Variants in CMTM8 observed in about 807,000 individuals in gnomAD.
The protein encoded by CMTM8 is CKLF like MARVEL transmembrane domain containing 8.
Under a neutral mutation model 18.6 loss-of-function variants are expected in CMTM8, and 12 were observed. That is an observed-to-expected ratio of 0.65 (90% CI 0.41 to 1.05). The LOEUF (loss-of-function observed/expected upper bound fraction) is 1.05. Ranked by LOEUF, CMTM8 falls within the 50% of genes least tolerant of loss-of-function variation. CMTM8 has a pLI of 0.00. For missense variants in CMTM8, 217 were observed against 227.2 expected (o/e 0.95, Z 0.29); for synonymous variants, 87 against 90.6 (o/e 0.96, Z 0.23).
intron 1 of CMTM8, chr3:32,259,692 T>G: frequency 8.8e-7 from 1 of 1,142,272 alleles, no homozygotes; most frequent in Non-Finnish European, 1.3e-6. Context: ...ATGGCAGACA[T>G]CCAGGCCCAA....
chr3:32,313,083 G>A (rs1208528286), intron 1 of CMTM8, among the ~76,000 whole-genome samples: 3 of 152,000 alleles, frequency 2.0e-5, no homozygotes, highest in Admixed American at 6.6e-5. Context: ...ATATTCATGG[G>A]TTCTGAGGAT....
At chr3:32,361,918 T>C (rs1363746310) in intron 2 of CMTM8, among the ~76,000 whole-genome samples, 1 of 152,180 alleles carries the variant, frequency 6.6e-6, no homozygotes, top group African/African-American at 2.4e-5. Flanking sequence ...AGGGTCTACA[T>C]GCATGTGTTT....
intron 1 of CMTM8, among the ~76,000 whole-genome samples, chr3:32,337,740 C>T (rs535105903): frequency 6.6e-6 from 1 of 152,290 alleles, no homozygotes; most frequent in African/African-American, 2.4e-5. Flanking sequence ...CTGCATTTCT[C>T]ACATGCTCCT....
At chr3:32,278,967 G>A (rs964836059) in intron 1 of CMTM8, among the ~76,000 whole-genome samples, 32 of 152,052 alleles carry the variant, frequency 2.1e-4, no homozygotes, top group Non-Finnish European at 1.2e-4. Flanking sequence ...TTACTGGCTC[G>A]TGTATCTGAC....
At chr3:32,267,542 C>T (rs1375043964) in intron 1 of CMTM8, among the ~76,000 whole-genome samples, 1 of 152,130 alleles carries the variant, frequency 6.6e-6, no homozygotes, top group East Asian at 1.9e-4. Flanking sequence ...TAGGCATGGG[C>T]AAGGACTTCA....
intron 1 of CMTM8, among the ~76,000 whole-genome samples, chr3:32,322,677 G>A (rs1685843650): frequency 6.6e-6 from 1 of 152,160 alleles, no homozygotes. Context: ...GGCATAGATG[G>A]TTGGTCCAAA....
intron 1 of CMTM8, among the ~76,000 whole-genome samples, chr3:32,268,014 A>G (rs1702374621): frequency 1.3e-5 from 2 of 152,228 alleles, no homozygotes; most frequent in Admixed American, 1.3e-4. Flanking sequence ...AACTAGTTCA[A>G]CCATTGCAGA....
At chr3:32,262,531 G>C (rs1403116306) in intron 1 of CMTM8, among the ~76,000 whole-genome samples, 5 of 152,224 alleles carry the variant, frequency 3.3e-5, no homozygotes, top group African/African-American at 1.2e-4. Flanking sequence ...AAGGCCATCT[G>C]TGATTTGTGG....
intron 2 of CMTM8, among the ~76,000 whole-genome samples, chr3:32,362,196 A>C (rs1696949776): frequency 6.6e-6 from 1 of 150,578 alleles, no homozygotes; most frequent in Non-Finnish European, 1.5e-5. Context: ...GCTCACCACC[A>C]CGCCCAGCTA....
intron 1 of CMTM8, among the ~76,000 whole-genome samples, chr3:32,323,427 A>AT (rs1298006907): frequency 1.3e-5 from 2 of 152,106 alleles, no homozygotes; most frequent in Non-Finnish European, 2.9e-5. Context: ...ATAAAAAAAT[A>AT]TTTTTTTCAA....
intron 1 of CMTM8, among the ~76,000 whole-genome samples, chr3:32,255,417 T>C (rs911068139): frequency 6.6e-6 from 1 of 152,238 alleles, no homozygotes; most frequent in Non-Finnish European, 1.5e-5. Context: ...TTCTTAGGAA[T>C]CATTGCTTGG....
At chr3:32,290,288 TA>T (rs1171629968) in intron 1 of CMTM8, among the ~76,000 whole-genome samples, 1 of 152,214 alleles carries the variant, frequency 6.6e-6, no homozygotes, top group Non-Finnish European at 1.5e-5. Flanking sequence ...CAAATATTTC[TA>T]AAACTTTATA....
chr3:32,319,044 ATGTGTG>A (rs1479873300), intron 1 of CMTM8, among the ~76,000 whole-genome samples: 2 of 108,208 alleles, frequency 1.8e-5, no homozygotes, highest in African/African-American at 7.6e-5. Flanking sequence ...ATTTATATAT[ATGTGTG>A]TATATACATA....
upstream of CMTM8, chr3:32,238,347 A>C (rs1701893969): frequency 6.6e-6 from 1 of 152,188 alleles, no homozygotes; most frequent in South Asian, 2.1e-4. Flanking sequence ...GAGTCCCTGG[A>C]GGCCTGGGTT....
chr3:32,239,125 T>C lies in CMTM8; in HGVS notation c.147+6T>C, dbSNP rs759182915. Reference sequence around the variant, plus strand: ...TCCTCATCGTGGCCGAGATCGTGAGTGCCGACGGGCCGGGGGTGGCGGGGG... The same window carrying C: ...TCCTCATCGTGGCCGAGATCGTGAGCGCCGACGGGCCGGGGGTGGCGGGGG... On this transcript the variant is annotated splice_donor_region_variant and intron_variant, in intron 1 of 3. Transcript: ENST00000307526. The C allele has an allele frequency of 5.6e-6, 9 of 1,594,048 alleles. No individual in the cohort carries two copies. The highest frequency in any genetic ancestry group is 1.7e-4 in the Middle Eastern group (1 of 6,040).
intron 1 of CMTM8, among the ~76,000 whole-genome samples, chr3:32,260,674 T>C (rs1353543355): frequency 7.2e-6 from 1 of 139,694 alleles, no homozygotes; most frequent in East Asian, 2.0e-4. Flanking sequence ...TAAAGTTTTT[T>C]TTTTTTCCCC....
chr3:32,238,980 A>C lies in CMTM8; in HGVS notation c.8A>C (p.Glu3Ala). 1 of 1,548,698 alleles carries C rather than the reference A, an allele frequency of 6.5e-7. No individual in the cohort carries two copies. Among genetic ancestry groups the C allele is most frequent in the African/African-American group, 1.4e-5 (1 of 72,738 alleles). The change falls in exon 1 of 4, where the codon GAG (glutamate) becomes GCG (alanine). Residue 3 changes from glutamate (E) to alanine (A), a missense_variant. Coordinates refer to ENST00000307526, the MANE Select transcript of CMTM8 (RefSeq NM_178868.5). Reference protein sequence around the residue: MEEPQRARSHTVT... With the variant: MEAPQRARSHTVT... Reference sequence around the variant, plus strand: ...CCCGGCAGTGGCTCGACGATGGAGGAGCCGCAGCGCGCCCGCTCGCACACA... The same window carrying C: ...CCCGGCAGTGGCTCGACGATGGAGGCGCCGCAGCGCGCCCGCTCGCACACA...
At chr3:32,303,617 T>C (rs1695665820) in intron 1 of CMTM8, among the ~76,000 whole-genome samples, 1 of 152,018 alleles carries the variant, frequency 6.6e-6, no homozygotes, top group Non-Finnish European at 1.5e-5. Context: ...TAACCGAGCT[T>C]CCCCCCTCCC....
At chr3:32,335,016 G>C (rs1039393680) in intron 1 of CMTM8, among the ~76,000 whole-genome samples, 1 of 152,198 alleles carries the variant, frequency 6.6e-6, no homozygotes, top group African/African-American at 2.4e-5. Context: ...TGGCACATTT[G>C]GGGGCTGGGT....
Sources: gnomAD v4.1 joint callset for allele counts (sites outside exome capture counted in the v4.1 genomes callset) on GRCh38, gnomAD v4.1.1 for gene constraint, MANE v1.5 for transcripts, NCBI Gene and HGNC (gene_info 2026-07-23, HGNC 2026-07-21) for gene names.